Variants in SLC35B4 observed in about 807,000 individuals in gnomAD.
SLC35B4 encodes the protein solute carrier family 35 member B4.
In SLC35B4, 28 loss-of-function variants were observed where a neutral mutation model predicts 39.5. The observed-to-expected ratio is 0.71, with a 90% CI of 0.53 to 0.97. The LOEUF (loss-of-function observed/expected upper bound fraction) is 0.97, where lower values mean the gene tolerates loss of function less well. Among genes scored for constraint, SLC35B4 ranks in the 50% least tolerant of loss-of-function variants. The pLI is 0.00. For missense variants in SLC35B4, 334 were observed against 414.3 expected (o/e 0.81, Z 1.68); for synonymous variants, 145 against 150.4 (o/e 0.96, Z 0.26).
At chr7:134,296,193 T>A (rs1359753149) in intron 9 of SLC35B4, among the ~76,000 whole-genome samples, 198 bp downstream of exon 9, 1 of 152,184 alleles carries the variant, frequency 6.6e-6, no homozygotes, top group African/African-American at 2.4e-5. Flanking sequence ...TGTGCCTTAC[T>A]GACCTACTAC....
At chr7:134,296,351 T>C in intron 9 of SLC35B4, 40 bp downstream of exon 9, 1 of 1,541,310 alleles carries the variant, frequency 6.5e-7, no homozygotes, top group Non-Finnish European at 9.0e-7. Context: ...CAAAAGAACC[T>C]GATGATGACA....
In SLC35B4 at chr7:134,309,520, A is replaced by C. The variant is rs528762067; in HGVS notation, c.78-41T>G. 9.4e-6 allele frequency: 13 copies of C among 1,379,578 alleles called. No individual in the cohort carries two copies. In the East Asian group the frequency reaches 3.0e-4, roughly 32 times the overall value. The allele number at this position is 1,379,578 out of a possible 1,614,324, so 85.5% of individuals were successfully genotyped here. On this transcript the variant is annotated intron_variant, in intron 1 of 9. Coordinates refer to ENST00000378509, the MANE Select transcript of SLC35B4 (RefSeq NM_032826.5). ...TAAAAGAGGGGGTGAAGGCACAAAAACTGAGATACAGAACACTAAAATGCA... is the reference window on the plus strand; with the variant it reads ...TAAAAGAGGGGGTGAAGGCACAAAACCTGAGATACAGAACACTAAAATGCA...
intron 2 of SLC35B4, among the ~76,000 whole-genome samples, chr7:134,307,672 T>A (rs1803740068): frequency 6.6e-6 from 1 of 152,284 alleles, no homozygotes; most frequent in East Asian, 1.9e-4. Flanking sequence ...ATCTTGGAGA[T>A]TCCCAACCAT....
At position 134,291,879 on chromosome 7, in the gene SLC35B4, A is replaced by G. The variant is rs1008655701; in HGVS notation, c.*2954T>C. 1 of 152,266 alleles carries G rather than the reference A, an allele frequency of 6.6e-6. No homozygotes were observed. Among genetic ancestry groups the G allele is most frequent in the Non-Finnish European group, 1.5e-5 (1 of 68,052 alleles). 9.4% of individuals were successfully genotyped at this position (152,266 alleles called of 1,614,324 possible). ...GAGTTTTGGCCAAAGATATGTAGACATTAAGCTAATACAATTCAAATATCC... is the reference window on the plus strand; with the variant it reads ...GAGTTTTGGCCAAAGATATGTAGACGTTAAGCTAATACAATTCAAATATCC... On this transcript the variant is annotated 3_prime_UTR_variant, in exon 10 of 10. Transcript: ENST00000378509.
intron 2 of SLC35B4, 145 bp downstream of exon 2, chr7:134,309,221 T>A: frequency 1.7e-6 from 1 of 575,510 alleles, no homozygotes; most frequent in South Asian, 2.6e-5. Context: ...TCACAACATA[T>A]TAAATTCAGA....
chr7:134,316,194 C>G (rs1164704547), intron 1 of SLC35B4, among the ~76,000 whole-genome samples: 1 of 152,156 alleles, frequency 6.6e-6, no homozygotes, highest in East Asian at 1.9e-4. Context: ...TGTACAAAGT[C>G]AGACTGCTTT....
At chr7:134,295,935 T>C (rs1011655166) in intron 9 of SLC35B4, among the ~76,000 whole-genome samples, 6 of 152,228 alleles carry the variant, frequency 3.9e-5, no homozygotes, top group South Asian at 2.1e-4. Context: ...GTTCAAGCGA[T>C]TCTCCTGCCT....
upstream of SLC35B4, chr7:134,317,047 T>C: frequency 2.7e-6 from 1 of 371,724 alleles, no homozygotes. Flanking sequence ...ACGTTCCCGC[T>C]TCCGCCAGGC....
chr7:134,316,562 C>A, intron 1 of SLC35B4, 113 bp downstream of exon 1: 2 of 1,125,142 alleles, frequency 1.8e-6, no homozygotes, highest in South Asian at 1.5e-5. Context: ...CTGCCCCGGG[C>A]TCCGTGGGCG....
upstream of SLC35B4, among the ~76,000 whole-genome samples, chr7:134,318,506 A>G (rs1341042012): frequency 1.3e-5 from 2 of 152,148 alleles, no homozygotes; most frequent in African/African-American, 2.4e-5. Flanking sequence ...TGGTATATAT[A>G]CAGGTATATA....
rs951899643 is a variant in SLC35B4 at position 134,309,352 on chromosome 7, C to G, written c.191+14G>C. 6.4e-7 allele frequency: 1 copy of G among 1,565,744 alleles called. No individual in the cohort carries two copies. Among genetic ancestry groups the G allele is most frequent in the Admixed American group, 1.8e-5 (1 of 56,220 alleles). ...AAAAATCCAAAAGCTAAAAGAGACT[C>G]TAATGTACCATACCTTATTGGGATA... On this transcript the variant is annotated intron_variant, in intron 2 of 9. Coordinates refer to ENST00000378509, the MANE Select transcript of SLC35B4 (RefSeq NM_032826.5).
intron 1 of SLC35B4, among the ~76,000 whole-genome samples, chr7:134,314,699 C>A (rs533690523): frequency 2.6e-5 from 4 of 152,074 alleles, no homozygotes; most frequent in Non-Finnish European, 2.9e-5. Context: ...CCAGGCCCAG[C>A]TAATTTTTGT....
At chr7:134,307,321 A>G (rs1379910934) in intron 2 of SLC35B4, among the ~76,000 whole-genome samples, 1 of 136,074 alleles carries the variant, frequency 7.3e-6, no homozygotes, top group Non-Finnish European at 1.6e-5. Context: ...AGGTCTTAAA[A>G]TAATAGAAAC....
intron 9 of SLC35B4, among the ~76,000 whole-genome samples, chr7:134,295,830 GTTCT>G: frequency 6.6e-6 from 1 of 152,118 alleles, no homozygotes; most frequent in Admixed American, 6.5e-5. Flanking sequence ...CTATACAGTA[GTTCT>G]TTGTTTGTTT....
At chr7:134,302,219 T>C in intron 4 of SLC35B4, 109 bp from the exon 5 acceptor site, 1 of 862,560 alleles carries the variant, frequency 1.2e-6, no homozygotes, top group Non-Finnish European at 1.8e-6. Context: ...CACTAAAGTA[T>C]GACAGACAGG....
chr7:134,292,775 T>C lies in SLC35B4; in HGVS notation c.*2058A>G, dbSNP rs1277215992. ...GTCAATTCTGAGGAACTCTACATATTTCAAAGCAAGTGGCTTTTGATCCTA... is the reference window on the plus strand; with the variant it reads ...GTCAATTCTGAGGAACTCTACATATCTCAAAGCAAGTGGCTTTTGATCCTA... On this transcript the variant is annotated 3_prime_UTR_variant, in exon 10 of 10. Transcript: ENST00000378509. The C allele has an allele frequency of 6.6e-6, 1 of 152,210 alleles. No homozygotes were observed. The highest frequency in any genetic ancestry group is 1.5e-5 in the Non-Finnish European group (1 of 68,048). The allele number at this position is 152,210 out of a possible 1,614,324, so 9.4% of individuals were successfully genotyped here.
chr7:134,301,814 T>G lies in SLC35B4; in HGVS notation c.434A>C (p.Gln145Pro). The G allele has an allele frequency of 6.2e-7, 1 of 1,614,074 alleles. No individual in the cohort carries two copies. Among genetic ancestry groups the G allele is most frequent in the Non-Finnish European group, 8.5e-7 (1 of 1,179,962 alleles). The change falls in exon 6 of 10, where the codon CAG (glutamine) becomes CCG (proline). Residue 145 changes from glutamine (Q) to proline (P), a missense_variant. Gln to Pro is a moderately conservative substitution (Grantham distance 76, BLOSUM62 -1). Transcript: ENST00000378509. ...TFMSAKQVTS[Q>P]SSLSENDGFQ... ...TCCATCATTCTCACTCAAGCTGGAC[T>G]GGGAAGTCTAGGAAATAAGAAAATA...
Position 134,302,037 on chromosome 7 carries a change from T to G in SLC35B4, c.418A>C (p.Lys140Gln). 6.2e-7 allele frequency: 1 copy of G among 1,613,930 alleles called. No individual in the cohort carries two copies. Among genetic ancestry groups the G allele is most frequent in the African/African-American group, 1.3e-5 (1 of 75,034 alleles). The change falls in exon 5 of 10, where the codon AAG (lysine) becomes CAG (glutamine). Residue 140 changes from lysine (K) to glutamine (Q), a missense_variant. Transcript: ENST00000378509. Reference sequence around the variant, plus strand: ...ATTTGTGAGCTTCTTACCACCTGCTTTGCTGACATAAAAGTGCAAATAAAT... The same window carrying G: ...ATTTGTGAGCTTCTTACCACCTGCTGTGCTGACATAAAAGTGCAAATAAAT... ...GIFICTFMSA[K>Q]QVTSQSSLSE...
At chr7:134,314,699 C>T (rs533690523) in intron 1 of SLC35B4, among the ~76,000 whole-genome samples, 7 of 152,192 alleles carry the variant, frequency 4.6e-5, no homozygotes, top group Admixed American at 2.0e-4. Context: ...CCAGGCCCAG[C>T]TAATTTTTGT....
Sources: gnomAD v4.1 joint callset for allele counts (sites outside exome capture counted in the v4.1 genomes callset) on GRCh38, gnomAD v4.1.1 for gene constraint, MANE v1.5 for transcripts, NCBI Gene and HGNC (gene_info 2026-07-23, HGNC 2026-07-21) for gene names.